VAT1L: variants seen among roughly 807,000 people sequenced by gnomAD.
VAT1L encodes the protein putative NADPH-dependent quinone oxidoreductase VAT1L.
In VAT1L, 34 loss-of-function variants were observed where a neutral mutation model predicts 44.1. That is an observed-to-expected ratio of 0.77 (90% confidence interval 0.59 to 1.03). The LOEUF is 1.03. Among genes scored for constraint, VAT1L ranks in the 50% least tolerant of loss-of-function variants. VAT1L has a pLI of 0.00. For synonymous variants in VAT1L, 253 were observed against 202.2 expected (o/e 1.25, Z -2.13); for missense variants, 615 against 538.8 (o/e 1.14, Z -1.40).
intron 7 of VAT1L, among the ~76,000 whole-genome samples, chr16:77,928,222 T>G (rs1242565210): frequency 6.6e-6 from 1 of 152,130 alleles, no homozygotes; most frequent in African/African-American, 2.4e-5. Context: ...ACCTGAGAAG[T>G]CCCAGGGAAG....
At chr16:77,916,328 G>A (rs2017551842) in intron 7 of VAT1L, among the ~76,000 whole-genome samples, 1 of 152,142 alleles carries the variant, frequency 6.6e-6, no homozygotes, top group African/African-American at 2.4e-5. Context: ...ACATGGTATG[G>A]CGCAAGGGGC....
At chr16:77,932,888 G>C (rs1013559243) in intron 7 of VAT1L, among the ~76,000 whole-genome samples, 17 of 152,222 alleles carry the variant, frequency 1.1e-4, no homozygotes, top group Non-Finnish European at 1.9e-4. Flanking sequence ...GCAGGAGAAT[G>C]AATGGTAGGA....
Position 77,879,311 on chromosome 16 carries a change from A to T in VAT1L, c.882+87A>T. 6.9e-7 allele frequency: 1 copy of T among 1,446,978 alleles called. No individual in the cohort carries two copies. Among genetic ancestry groups the T allele is most frequent in the South Asian group, 1.2e-5 (1 of 86,856 alleles). The allele number at this position is 1,446,978 out of a possible 1,614,324, so 89.6% of individuals were successfully genotyped here. A position where few individuals can be genotyped will look rare whatever the true frequency, so the allele number is the denominator to read the frequency against. On this transcript the variant is annotated intron_variant, in intron 6 of 8. Coordinates refer to ENST00000302536, the MANE Select transcript of VAT1L (RefSeq NM_020927.3). This position sits in a 1 kb window ranked among gnomAD's most constrained non-coding sequence, Gnocchi z 4.1. ...TGTTTTTGTTTGTTTGTTTGTTTTG[A>T]GACAGCGTCTCGTTCTGTCACCAGG...
intron 7 of VAT1L, among the ~76,000 whole-genome samples, chr16:77,952,864 A>T (rs1284567359): frequency 6.6e-6 from 1 of 151,176 alleles, no homozygotes; most frequent in Non-Finnish European, 1.5e-5. Flanking sequence ...TTAAAAAAAA[A>T]AAAAAAAAAA....
intron 7 of VAT1L, among the ~76,000 whole-genome samples, chr16:77,962,655 G>A (rs547006174): frequency 2.0e-5 from 3 of 151,988 alleles, no homozygotes; most frequent in South Asian, 4.2e-4. Flanking sequence ...GGCCAAGGCA[G>A]GAGGACGGCT....
intron 3 of VAT1L, among the ~76,000 whole-genome samples, chr16:77,832,471 C>T (rs2016590934): frequency 6.6e-6 from 1 of 152,176 alleles, no homozygotes; most frequent in African/African-American, 2.4e-5. Context: ...TTGCAAGTCA[C>T]AGGAAGGGCT....
At chr16:77,926,471 C>T (rs1405230812) in intron 7 of VAT1L, among the ~76,000 whole-genome samples, 1 of 151,962 alleles carries the variant, frequency 6.6e-6, no homozygotes, top group African/African-American at 2.4e-5. Context: ...GTAATCCCAG[C>T]TACTCAAGAG....
chr16:77,966,193 T>G (rs2018220445), intron 7 of VAT1L, among the ~76,000 whole-genome samples: 1 of 152,230 alleles, frequency 6.6e-6, no homozygotes, highest in South Asian at 2.1e-4. Context: ...TAGCCACATT[T>G]GTGGTTCGCT....
intron 1 of VAT1L, among the ~76,000 whole-genome samples, chr16:77,809,051 A>G (rs1374098218): frequency 1.3e-5 from 2 of 152,222 alleles, no homozygotes; most frequent in Non-Finnish European, 2.9e-5. Flanking sequence ...AAACTGAGCC[A>G]TGATCTTTCT....
At chr16:77,960,523 T>A (rs143708087) in intron 7 of VAT1L, among the ~76,000 whole-genome samples, 106 of 152,284 alleles carry the variant, frequency 7.0e-4, no homozygotes, top group African/African-American at 2.5e-3. Flanking sequence ...GCTGTAGTTG[T>A]GAAGAGGCAT....
intron 3 of VAT1L, among the ~76,000 whole-genome samples, chr16:77,844,317 T>C (rs561801066): frequency 6.6e-6 from 1 of 152,320 alleles, no homozygotes; most frequent in African/African-American, 2.4e-5. Context: ...ATTTACATTG[T>C]GCTAAGTATT....
chr16:77,903,423 T>A (rs1253202712), intron 7 of VAT1L, among the ~76,000 whole-genome samples: 1 of 152,202 alleles, frequency 6.6e-6, no homozygotes, highest in Non-Finnish European at 1.5e-5. Flanking sequence ...GTCTTCCTGA[T>A]CCTTAGTTTC....
At chr16:77,863,144 C>T (rs182397035) in intron 4 of VAT1L, among the ~76,000 whole-genome samples, 1 of 152,316 alleles carries the variant, frequency 6.6e-6, no homozygotes, top group East Asian at 1.9e-4. Flanking sequence ...TCCTATTTGA[C>T]CATCTTAACA....
rs978875773 is a variant in VAT1L, at chr16:77,874,665, A to G, written c.723-1705A>G. Among the ~76,000 whole-genome samples, 4 of 152,002 alleles carry G rather than the reference A, an allele frequency of 2.6e-5. No homozygotes were observed. In the East Asian group the frequency reaches 7.7e-4, roughly 29 times the overall value. ...ATTGGGAAAATTCTCCATTTACACA[A>G]TTCTAGAGCCCCTTAGTGGCATGAG... On this transcript the variant is annotated intron_variant, in intron 4 of 8. Coordinates refer to ENST00000302536, the MANE Select transcript of VAT1L (RefSeq NM_020927.3).
At chr16:77,946,279 C>CTTTTTTTGTTTTTTTTTTTTT (rs2017963820) in intron 7 of VAT1L, among the ~76,000 whole-genome samples, 1 of 70,428 alleles carries the variant, frequency 1.4e-5, no homozygotes, top group Non-Finnish European at 2.5e-5. Context: ...GTTACTTGTT[C>CTTTTTTTGTTTTTTTTTTTTT]TTTTTTTTTT....
At chr16:77,913,623 T>C (rs932292437) in intron 7 of VAT1L, among the ~76,000 whole-genome samples, 3 of 152,210 alleles carry the variant, frequency 2.0e-5, no homozygotes, top group East Asian at 1.9e-4. Flanking sequence ...TATCTTGCAA[T>C]GTCCCAGGGC....
chr16:77,790,833 G>A (rs1469410455), intron 1 of VAT1L, among the ~76,000 whole-genome samples: 1 of 152,128 alleles, frequency 6.6e-6, no homozygotes, highest in Non-Finnish European at 1.5e-5. Context: ...TATGTTAACT[G>A]CATAATTGCT....
At chr16:77,888,511 T>A (rs985351577) in intron 7 of VAT1L, among the ~76,000 whole-genome samples, 6 of 152,226 alleles carry the variant, frequency 3.9e-5, no homozygotes, top group African/African-American at 1.4e-4. Flanking sequence ...CTGAACAAGG[T>A]ATAATTTTAA....
chr16:77,820,459 A>C (rs2016433004), intron 2 of VAT1L, among the ~76,000 whole-genome samples: 1 of 152,184 alleles, frequency 6.6e-6, no homozygotes, highest in South Asian at 2.1e-4. Flanking sequence ...TCACATCCTC[A>C]AGCTCGAGCT....
Sources: allele counts gnomAD v4.1 joint callset (sites outside exome capture counted in the v4.1 genomes callset), GRCh38; gene constraint gnomAD v4.1.1; non-coding constraint Gnocchi (gnomAD v3.1); transcripts MANE v1.5; gene names NCBI Gene and HGNC (gene_info 2026-07-23, HGNC 2026-07-21).